The following CLCA4 variants were observed in gnomAD, a reference collection of about 807,000 sequenced individuals.
CLCA4 encodes chloride channel accessory 4, also known as calcium-activated chloride channel regulator 4.
Under a neutral mutation model 78.9 loss-of-function variants are expected in CLCA4, and 69 were observed. The ratio of observed to expected loss-of-function variants is 0.87; its 90% confidence interval spans 0.72 to 1.07. The LOEUF is 1.07. CLCA4 is among the 50% of genes least tolerant of loss of function. The pLI, the probability that CLCA4 is intolerant of heterozygous loss-of-function variation, is 0.00. For missense variants in CLCA4, 1,133 were observed against 1,095.8 expected, an observed-to-expected ratio of 1.03 and a Z score of -0.48; for synonymous variants, 362 against 375.8, an observed-to-expected ratio of 0.96 and a Z score of 0.42.
chr1:86,573,138 T>C (rs1650404824), intron 9 of CLCA4, among the ~76,000 whole-genome samples: 1 of 151,834 alleles, frequency 6.6e-6, no homozygotes, highest in Non-Finnish European at 1.5e-5. Flanking sequence ...GGCTGGGAAA[T>C]GGAAGGAGTG....
chr1:86,550,551 T>C lies in CLCA4; in HGVS notation c.159+3273T>C, dbSNP rs191733955. Among the ~76,000 whole-genome samples the C allele has an allele frequency of 5.5e-3, 835 of 151,902 alleles. 4 individuals are homozygous for C. The highest frequency in any genetic ancestry group is 0.031 in the Middle Eastern group (9 of 294). On this transcript the variant is annotated intron_variant, in intron 1 of 13. Transcript: ENST00000370563. ...CGCGTTTAATATCTTCAAGAAACCCTATGAAATACTATAATCCACATTTTA... is the reference window on the plus strand; with the variant it reads ...CGCGTTTAATATCTTCAAGAAACCCCATGAAATACTATAATCCACATTTTA...
chr1:86,580,229 A>G lies in CLCA4; in HGVS notation c.2644A>G (p.Thr882Ala). ...PDDIDPTPTP[T>A]PTPTPDKSHN... The stretch of plus-strand genomic sequence containing the variant: ...TGACATTGATCCTACACCTACTCCT[A>G]CTCCTACTCCTACTCCTGATAAAAG... The change falls in exon 14 of 14, where the codon ACT becomes GCT. Residue 882 changes from threonine (T) to alanine (A), a missense_variant. By Grantham distance (58) the Thr-to-Ala change is moderately conservative (BLOSUM62 0). Coordinates refer to ENST00000370563, the MANE Select transcript of CLCA4 (RefSeq NM_012128.4). 1 of 1,610,722 alleles carries G rather than the reference A, an allele frequency of 6.2e-7. No individual in the cohort carries two copies. Among genetic ancestry groups the G allele is most frequent in the South Asian group, 1.1e-5 (1 of 90,874 alleles).
In CLCA4 at chr1:86,580,295, G is replaced by A; in HGVS notation, c.2710G>A (p.Val904Met). The change falls in exon 14 of 14, where the codon GTG (valine) becomes ATG (methionine). Residue 904 changes from valine to methionine, a missense_variant. Val to Met is a conservative substitution (Grantham distance 21, BLOSUM62 1). Transcript: ENST00000370563. Reference protein sequence around the residue: ...GVNISTLVLSVIGSVVIVNFI... With the variant: ...GVNISTLVLSMIGSVVIVNFI... ...TAATATTTCTACGCTGGTATTGTCT[G>A]TGATTGGGTCTGTTGTAATTGTTAA... is the stretch of plus-strand genomic sequence containing the variant. 2 of 1,610,538 alleles carry A rather than the reference G, an allele frequency of 1.2e-6. No homozygotes were observed. The highest frequency in any genetic ancestry group is 2.2e-5 in the South Asian group (2 of 90,306).
intron 8 of CLCA4, 36 bp downstream of exon 8, chr1:86,571,290 G>T: frequency 6.4e-7 from 1 of 1,569,154 alleles, no homozygotes; most frequent in East Asian, 2.2e-5. Flanking sequence ...GCCTTCAATA[G>T]TAATGCATAA....
At chr1:86,547,404 G>T in intron 1 of CLCA4, 126 bp downstream of exon 1, 2 of 680,318 alleles carry the variant, frequency 2.9e-6, no homozygotes, top group South Asian at 2.8e-5. Flanking sequence ...AATTTGTAAA[G>T]ATCAAATCAG....
Position 86,574,601 on chromosome 1 carries a change from A to T in CLCA4, c.1529A>T (p.Asp510Val), listed in dbSNP as rs200785098. The T allele has an allele frequency of 5.0e-6, 8 of 1,613,218 alleles. No homozygotes were observed. In the East Asian group the frequency reaches 1.8e-4, roughly 36 times the overall value. Reference sequence around the variant, plus strand: ...TGGATGAACGACACTGTCATAATTGATAGTACAGTGGGAAAGGACACGTTC... The same window carrying T: ...TGGATGAACGACACTGTCATAATTGTTAGTACAGTGGGAAAGGACACGTTC... ...NAWMNDTVII[D>V]STVGKDTFFL... Residue 510 changes from aspartate to valine, a missense_variant, in exon 10 of 14, where the codon GAT (aspartate) becomes GTT (valine). Coordinates refer to ENST00000370563, the MANE Select transcript of CLCA4 (RefSeq NM_012128.4).
intron 11 of CLCA4, 127 bp downstream of exon 11, chr1:86,575,726 C>G (rs761588057): frequency 6.9e-6 from 6 of 865,878 alleles, no homozygotes; most frequent in Non-Finnish European, 1.1e-5. Flanking sequence ...ACAGCAGGAA[C>G]AGCAGGAAAT....
chr1:86,562,070 T>TAC (rs767156723), intron 3 of CLCA4, among the ~76,000 whole-genome samples: 2 of 151,614 alleles, frequency 1.3e-5, no homozygotes, highest in Non-Finnish European at 2.9e-5. Flanking sequence ...ATATTAAAAG[T>TAC]ACACACACAC....
In CLCA4 at chr1:86,565,716, G is replaced by T. The variant is rs1304856284; in HGVS notation, c.736-86G>T. On this transcript the variant is annotated intron_variant, in intron 5 of 13. Transcript: ENST00000370563. ...TCATTCAACAAACAACATATCTGCA[G>T]AAGACTTTTAAATTTTTCAGGTTTG... is the stretch of plus-strand genomic sequence containing the variant. The T allele has an allele frequency of 6.4e-6, 5 of 783,984 alleles. No homozygotes were observed. In the African/African-American group the frequency reaches 8.8e-5, roughly 14 times the overall value. 48.6% of individuals were successfully genotyped at this position (783,984 alleles called of 1,614,324 possible).
Position 86,560,203 on chromosome 1 carries a change from A to T in CLCA4, c.301-8A>T. On this transcript the variant is annotated splice_region_variant and splice_polypyrimidine_tract_variant and intron_variant, in intron 2 of 13. Coordinates refer to ENST00000370563, the MANE Select transcript of CLCA4 (RefSeq NM_012128.4). ...TTGATGTTTGACAATCTTTTTCAAC[A>T]TTCTCAGGCTGATGTTATAGTTGCA... 6.3e-7 allele frequency: 1 copy of T among 1,587,300 alleles called. No individual in the cohort carries two copies. The highest frequency in any genetic ancestry group is 2.2e-5 in the East Asian group (1 of 44,586).
intron 9 of CLCA4, chr1:86,573,076 C>T: frequency 3.6e-6 from 1 of 279,016 alleles, no homozygotes; most frequent in South Asian, 3.6e-5. Flanking sequence ...TCCAAGCTTT[C>T]CCCATGCTTA....
chr1:86,559,384 T>C (rs965975973), intron 1 of CLCA4, among the ~76,000 whole-genome samples: 26 of 152,272 alleles, frequency 1.7e-4, no homozygotes, highest in African/African-American at 6.3e-4. Flanking sequence ...CCCATTTCTA[T>C]AGAGTGTCCT....
chr1:86,570,842 C>T (rs567335418), intron 7 of CLCA4, among the ~76,000 whole-genome samples: 4 of 152,156 alleles, frequency 2.6e-5, no homozygotes, highest in Non-Finnish European at 5.9e-5. Flanking sequence ...TTTTCCAAAG[C>T]CTGGTCCCAC....
chr1:86,561,898 A>T lies in CLCA4; in HGVS notation c.448+1540A>T, dbSNP rs140878088. 1.8e-3 allele frequency among the ~76,000 whole-genome samples: 271 copies of T among 152,234 alleles called. 1 individual carries two copies. The highest frequency in any genetic ancestry group is 6.2e-3 in the African/African-American group (258 of 41,548). On this transcript the variant is annotated intron_variant, in intron 3 of 13. Coordinates refer to ENST00000370563, the MANE Select transcript of CLCA4 (RefSeq NM_012128.4). ...ATATGCATTTGTGTAAAAAACTCAC[A>T]TTCCTCAAGGTCCTAAAAAACAGTA...
intron 1 of CLCA4, among the ~76,000 whole-genome samples, 169 bp from the exon 2 acceptor site, chr1:86,559,763 T>G (rs750231501): frequency 6.6e-6 from 1 of 152,240 alleles, no homozygotes; most frequent in Non-Finnish European, 1.5e-5. Context: ...GAATAAGTGA[T>G]GGTTTGGGGT....
intron 1 of CLCA4, among the ~76,000 whole-genome samples, chr1:86,556,914 T>G (rs1649865745): frequency 6.6e-6 from 1 of 152,176 alleles, no homozygotes. Flanking sequence ...TCTTCCTGAT[T>G]CAGTCTTGGG....
At chr1:86,578,367 C>T (rs1558201290) in intron 12 of CLCA4, among the ~76,000 whole-genome samples, 1 of 151,976 alleles carries the variant, frequency 6.6e-6, no homozygotes, top group Admixed American at 6.6e-5. Context: ...AAACTCGTGT[C>T]ATGGCGGTTT....
intron 1 of CLCA4, among the ~76,000 whole-genome samples, chr1:86,557,726 G>A (rs1649892444): frequency 6.6e-6 from 1 of 152,112 alleles, no homozygotes; most frequent in African/African-American, 2.4e-5. Context: ...AGGTCTATCG[G>A]ATCCATTTGG....
chr1:86,554,355 T>C (rs1649766035), intron 1 of CLCA4, among the ~76,000 whole-genome samples: 2 of 152,326 alleles, frequency 1.3e-5, no homozygotes, highest in South Asian at 4.1e-4. Flanking sequence ...TAGTATTCCA[T>C]GGTGTATATG....
Sources: gnomAD v4.1 joint callset for allele counts (sites outside exome capture counted in the v4.1 genomes callset) on GRCh38, gnomAD v4.1.1 for gene constraint, MANE v1.5 for transcripts, NCBI Gene and HGNC (gene_info 2026-07-23, HGNC 2026-07-21) for gene names.